The following CDC42BPA variants were observed in gnomAD, a reference collection of about 807,000 sequenced individuals.
The protein encoded by CDC42BPA is serine/threonine-protein kinase MRCK alpha.
CDC42BPA carries 80 observed loss-of-function variants against 223.5 expected under a neutral mutation model. The ratio of observed to expected loss-of-function variants is 0.36; its 90% CI spans 0.30 to 0.43. The LOEUF is 0.43. Among genes scored for constraint, CDC42BPA ranks in the 20% least tolerant of loss-of-function variants. The probability of loss-of-function intolerance (pLI) is 1.00; values close to 1 mark genes in which losing one functional copy is unlikely to be tolerated. For missense variants in CDC42BPA, 1,743 were observed against 2,099.9 expected, an observed-to-expected ratio of 0.83 and a Z score of 3.32; for synonymous variants, 694 against 718.6, an observed-to-expected ratio of 0.97 and a Z score of 0.55.
intron 5 of CDC42BPA, among the ~76,000 whole-genome samples, chr1:227,188,864 T>TC: frequency 6.6e-6 from 1 of 152,142 alleles, no homozygotes; most frequent in Admixed American, 6.6e-5. Context: ...ACTTAGGTGA[T>TC]AATGAAGGGT....
intron 15 of CDC42BPA, among the ~76,000 whole-genome samples, chr1:227,094,364 TG>T (rs1197412995): frequency 6.6e-6 from 1 of 152,160 alleles, no homozygotes; most frequent in Non-Finnish European, 1.5e-5. Context: ...TGCCATACAC[TG>T]GAGACCATGA....
Position 227,074,264 on chromosome 1 carries a change from C to T in CDC42BPA, c.2581G>A (p.Ala861Thr). The T allele has an allele frequency of 6.2e-7, 1 of 1,610,732 alleles. No homozygotes were observed. Among genetic ancestry groups the T allele is most frequent in the South Asian group, 1.1e-5 (1 of 90,882 alleles). Residue 861 changes from alanine to threonine, a missense_variant, in exon 18 of 37, where the codon GCA (alanine) becomes ACA (threonine). Transcript: ENST00000366766. ...GCAAAATCATAGAAGCTTACTGTTGCTCGTGTACCCAAGCTGGAATTTCTT... is the reference window on the plus strand; with the variant it reads ...GCAAAATCATAGAAGCTTACTGTTGTTCGTGTACCCAAGCTGGAATTTCTT... ...ALRNSSLGTR[A>T]TDMPWKMRRF...
At chr1:227,220,311 T>TATATATATATAC (rs1210485137) in intron 2 of CDC42BPA, among the ~76,000 whole-genome samples, 74 of 49,456 alleles carry the variant, frequency 1.5e-3, no homozygotes, top group African/African-American at 3.7e-3. Context: ...TATATATATA[T>TATATATATATAC]ACACACACAC....
intron 15 of CDC42BPA, among the ~76,000 whole-genome samples, chr1:227,097,424 T>C (rs963959763): frequency 2.6e-5 from 4 of 152,194 alleles, no homozygotes; most frequent in Admixed American, 2.0e-4. Flanking sequence ...TTATATGCTT[T>C]CTTCACTTGG....
chr1:227,258,757 A>T (rs1683542667), intron 1 of CDC42BPA, among the ~76,000 whole-genome samples: 1 of 151,168 alleles, frequency 6.6e-6, no homozygotes, highest in South Asian at 2.1e-4. Context: ...AGCAATATTT[A>T]ACAAAAGTGC....
At position 227,213,195 on chromosome 1, in the gene CDC42BPA, C is replaced by T. The variant is rs1674235558; in HGVS notation, c.295G>A (p.Ala99Thr). The change falls in exon 3 of 37, where the codon GCA (alanine) becomes ACA (threonine). Residue 99 changes from alanine to threonine, a missense_variant. Ala to Thr is a moderately conservative substitution (Grantham distance 58). Around this residue, in one of 6 missense-constraint regions of CDC42BPA, gnomAD observed 321 missense variants for 488.7 expected, o/e 0.66. Coordinates refer to ENST00000366766, the MANE Select transcript of CDC42BPA (RefSeq NM_001394014.1). ...GEVAVVKLKN[A>T]DKVFAMKILN... is the part of the protein sequence containing the mutation. Reference sequence around the variant, plus strand: ...ATTTTCATGGCAAACACTTTATCTGCATTTTTTAGTTTTACTACAGCAACC... The same window carrying T: ...ATTTTCATGGCAAACACTTTATCTGTATTTTTTAGTTTTACTACAGCAACC... The T allele has an allele frequency of 6.4e-7, 1 of 1,560,620 alleles. No homozygotes were observed. The highest frequency in any genetic ancestry group is 8.8e-7 in the Non-Finnish European group (1 of 1,140,314).
At chr1:227,171,838 T>G (rs1435970780) in intron 5 of CDC42BPA, among the ~76,000 whole-genome samples, 8 of 152,176 alleles carry the variant, frequency 5.3e-5, no homozygotes, top group African/African-American at 1.9e-4. Flanking sequence ...TGCATGTACC[T>G]TGGCCCCAAC....
intron 6 of CDC42BPA, among the ~76,000 whole-genome samples, chr1:227,147,802 C>A (rs1660959990): frequency 6.6e-6 from 1 of 151,402 alleles, no homozygotes; most frequent in South Asian, 2.1e-4. Flanking sequence ...TTGAGAGGAA[C>A]AATTTAATTT....
At chr1:227,121,613 A>G (rs914143040) in intron 11 of CDC42BPA, among the ~76,000 whole-genome samples, 3 of 152,158 alleles carry the variant, frequency 2.0e-5, no homozygotes, top group Non-Finnish European at 4.4e-5. Context: ...AAAACTAAAA[A>G]TCATAGGGTG....
chr1:227,071,719 C>G (rs1373403774), intron 20 of CDC42BPA, among the ~76,000 whole-genome samples: 2 of 51,118 alleles, frequency 3.9e-5, no homozygotes, highest in Admixed American at 2.8e-4. Flanking sequence ...ATCCCACCCC[C>G]CCCCCCCCAA....
chr1:227,017,780 GA>G (rs961660271), intron 32 of CDC42BPA, among the ~76,000 whole-genome samples: 10 of 151,446 alleles, frequency 6.6e-5, no homozygotes, highest in Non-Finnish European at 1.5e-4. Flanking sequence ...GTGAAAATAA[GA>G]AAAAAATAGA....
At chr1:227,133,505 G>T (rs529922122) in intron 10 of CDC42BPA, among the ~76,000 whole-genome samples, 1 of 152,362 alleles carries the variant, frequency 6.6e-6, no homozygotes, top group Non-Finnish European at 1.5e-5. Context: ...GACAATGGCG[G>T]TTTTGTGGAA....
intron 10 of CDC42BPA, among the ~76,000 whole-genome samples, chr1:227,134,129 T>A (rs2149556491): frequency 6.6e-6 from 1 of 152,332 alleles, no homozygotes. Flanking sequence ...GAAATGCCAA[T>A]CAATGTGTTC....
At chr1:227,189,225 T>A (rs1197361627) in intron 5 of CDC42BPA, among the ~76,000 whole-genome samples, 1 of 152,074 alleles carries the variant, frequency 6.6e-6, no homozygotes, top group South Asian at 2.1e-4. Flanking sequence ...CTTATACCCC[T>A]GCATTTCTTA....
At chr1:227,173,781 A>T (rs1198919122) in intron 5 of CDC42BPA, among the ~76,000 whole-genome samples, 1 of 152,094 alleles carries the variant, frequency 6.6e-6, no homozygotes, top group Non-Finnish European at 1.5e-5. Context: ...TATCCATGTA[A>T]TAAAATCGGT....
chr1:227,096,372 TAAAG>T (rs1355313964), intron 15 of CDC42BPA, among the ~76,000 whole-genome samples: 4 of 152,152 alleles, frequency 2.6e-5, no homozygotes, highest in Non-Finnish European at 5.9e-5. Flanking sequence ...ATATTAAAAA[TAAAG>T]AAACTCTCCC....
At chr1:227,109,458 C>T (rs1410736480) in intron 14 of CDC42BPA, among the ~76,000 whole-genome samples, 1 of 152,062 alleles carries the variant, frequency 6.6e-6, no homozygotes, top group Non-Finnish European at 1.5e-5. Context: ...CTCTGCCTCC[C>T]AGGTCCAGGC....
intron 1 of CDC42BPA, among the ~76,000 whole-genome samples, chr1:227,288,054 A>G (rs1034431367): frequency 2.0e-5 from 3 of 152,132 alleles, no homozygotes; most frequent in Non-Finnish European, 4.4e-5. Context: ...GTAGCTTTTC[A>G]CTGTAATAAA....
intron 3 of CDC42BPA, among the ~76,000 whole-genome samples, chr1:227,210,888 G>A (rs1181847114): frequency 6.6e-6 from 1 of 152,178 alleles, no homozygotes; most frequent in Non-Finnish European, 1.5e-5. Flanking sequence ...CCACTGACTA[G>A]TAGAGGCAGG....
Sources: allele counts gnomAD v4.1 joint callset (sites outside exome capture counted in the v4.1 genomes callset), GRCh38; gene constraint gnomAD v4.1.1; regional missense constraint gnomAD v4.1.1; transcripts MANE v1.5; gene names NCBI Gene and HGNC (gene_info 2026-07-23, HGNC 2026-07-21).